IFIH1: variants seen among roughly 807,000 people sequenced by gnomAD.
IFIH1 encodes interferon-induced helicase C domain-containing protein 1.
In IFIH1, 125 loss-of-function variants were observed where a neutral mutation model predicts 107.4. That is an observed-to-expected ratio of 1.16 (90% CI 1.01 to 1.35). IFIH1 has a LOEUF of 1.35. Among genes scored for constraint, IFIH1 ranks in the 40% most tolerant of loss-of-function variants. The pLI, the probability that IFIH1 is intolerant of heterozygous loss-of-function variation, is 0.00. For synonymous variants in IFIH1, 458 were observed against 413.2 expected, an observed-to-expected ratio of 1.11 and a Z score of -1.31; for missense variants, 1,333 against 1,213.7, an observed-to-expected ratio of 1.10 and a Z score of -1.46.
intron 6 of IFIH1, 29 bp from the exon 7 acceptor site, chr2:162,281,574 C>T (rs749344015): frequency 6.7e-7 from 1 of 1,496,928 alleles, no homozygotes; most frequent in East Asian, 2.3e-5. Context: ...GAGTTCATTT[C>T]TCCATATCAG....
chr2:162,307,437 C>A (rs1683305074), intron 2 of IFIH1, among the ~76,000 whole-genome samples: 1 of 152,170 alleles, frequency 6.6e-6, no homozygotes, highest in South Asian at 2.1e-4. Flanking sequence ...TTAATGTCAG[C>A]CTATATTCAT....
At chr2:162,272,127 G>T in intron 13 of IFIH1, 99 bp downstream of exon 13, 1 of 923,448 alleles carries the variant, frequency 1.1e-6, no homozygotes, top group Non-Finnish European at 1.7e-6. Flanking sequence ...TTATAATTCA[G>T]CACAATTTTT....
intron 1 of IFIH1, among the ~76,000 whole-genome samples, chr2:162,311,482 T>A (rs1289696528): frequency 6.6e-6 from 1 of 152,156 alleles, no homozygotes; most frequent in Non-Finnish European, 1.5e-5. Flanking sequence ...TGATTATTAC[T>A]ATAATCAATT....
intron 1 of IFIH1, among the ~76,000 whole-genome samples, chr2:162,316,765 G>A (rs1278111598): frequency 2.6e-5 from 4 of 152,108 alleles, no homozygotes; most frequent in African/African-American, 7.2e-5. Context: ...TTTGACTTAC[G>A]AGCCTGAATA....
chr2:162,293,757 A>T (rs1683039756), intron 3 of IFIH1, 89 bp from the exon 4 acceptor site: 4 of 739,610 alleles, frequency 5.4e-6, no homozygotes, highest in Non-Finnish European at 6.6e-6. Context: ...CACAGTACAT[A>T]CAGTTCAATT....
Position 162,293,580 on chromosome 2 carries a change from G to T in IFIH1, c.858C>A (p.Thr286=). Residue 286 remains threonine (T), a synonymous_variant, in exon 4 of 16, where the codon ACC becomes ACA. Coordinates refer to ENST00000649979, the MANE Select transcript of IFIH1 (RefSeq NM_022168.4). The stretch of plus-strand genomic sequence containing the variant: ...AGGCAGTACCTGAATCACTTCCCAT[G>T]GTGCCTGAATCACTGCCCATGTTGC... The part of the protein sequence containing the change: ...HNSNMGSDSG[T]MGSDSDEENV... 1 of 1,608,660 alleles carries T rather than the reference G, an allele frequency of 6.2e-7. No individual in the cohort carries two copies. The highest frequency in any genetic ancestry group is 8.5e-7 in the Non-Finnish European group (1 of 1,175,930).
Position 162,311,121 on chromosome 2 carries a change from G to A in IFIH1, c.454-188C>T, listed in dbSNP as rs11904197. Among the ~76,000 whole-genome samples the A allele has an allele frequency of 4.5e-3, 684 of 151,714 alleles. 8 individuals carry two copies. The highest frequency in any genetic ancestry group is 0.016 in the African/African-American group (648 of 41,304). ...AGTCGGCAGGGAAAAAAATCTCCGG[G>A]ACAACAACAACAACAACAACAAAAA... On this transcript the variant is annotated intron_variant, in intron 1 of 15. Coordinates refer to ENST00000649979, the MANE Select transcript of IFIH1 (RefSeq NM_022168.4).
At chr2:162,306,103 G>T (rs1199842223) in intron 3 of IFIH1, among the ~76,000 whole-genome samples, 1 of 152,154 alleles carries the variant, frequency 6.6e-6, no homozygotes, top group African/African-American at 2.4e-5. Flanking sequence ...GGGAGAGGTG[G>T]ATTCTCCTAT....
At chr2:162,273,970 A>G in intron 11 of IFIH1, 26 bp from the exon 12 acceptor site, 1 of 1,495,504 alleles carries the variant, frequency 6.7e-7, no homozygotes, top group Non-Finnish European at 9.2e-7. Flanking sequence ...AATAAATTAA[A>G]TTTTGTGATG....
intron 4 of IFIH1, among the ~76,000 whole-genome samples, chr2:162,291,072 T>C (rs1460636826): frequency 1.3e-5 from 2 of 151,846 alleles, no homozygotes; most frequent in East Asian, 1.9e-4. Flanking sequence ...TAAATGAAAA[T>C]AGCAGTTAAA....
At chr2:162,268,956 A>G (rs190490368) in intron 13 of IFIH1, among the ~76,000 whole-genome samples, 1 of 146,808 alleles carries the variant, frequency 6.8e-6, no homozygotes, top group East Asian at 1.9e-4. Context: ...TCTCTTTACT[A>G]AACACTGTTA....
At chr2:162,274,784 T>C (rs1691118943) in intron 11 of IFIH1, among the ~76,000 whole-genome samples, 1 of 152,206 alleles carries the variant, frequency 6.6e-6, no homozygotes, top group Non-Finnish European at 1.5e-5. Flanking sequence ...TCAAAGCTGT[T>C]GGTCCAGTTG....
intron 2 of IFIH1, among the ~76,000 whole-genome samples, chr2:162,308,006 C>T (rs939152618): frequency 6.6e-5 from 10 of 152,102 alleles, no homozygotes; most frequent in Admixed American, 3.3e-4. Flanking sequence ...GAGAACCTGG[C>T]CAAAGGTCAC....
chr2:162,272,361 C>T lies in IFIH1; in HGVS notation c.2481G>A (p.Glu827=), dbSNP rs1203164321. ...VQARGRARAD[E]STYVLVAHSG... Reference sequence around the variant, plus strand: ...TGTGAGCAACCAGGACGTAGGTGCTCTCATCAGCTCTGGCTCGACCACGGG... The same window carrying T: ...TGTGAGCAACCAGGACGTAGGTGCTTTCATCAGCTCTGGCTCGACCACGGG... Residue 827 remains glutamate, a synonymous_variant, in exon 13 of 16, where the codon GAG becomes GAA. Transcript: ENST00000649979. The T allele has an allele frequency of 6.2e-7, 1 of 1,613,398 alleles. No individual in the cohort carries two copies. Among genetic ancestry groups the T allele is most frequent in the Admixed American group, 1.7e-5 (1 of 59,888 alleles).
chr2:162,301,360 T>C (rs549459856), intron 3 of IFIH1, among the ~76,000 whole-genome samples: 20 of 152,318 alleles, frequency 1.3e-4, no homozygotes, highest in Admixed American at 9.2e-4. Context: ...ATTGGCTTTA[T>C]AAATGTAAAG....
chr2:162,314,399 CTTT>C (rs1558877380), intron 1 of IFIH1, among the ~76,000 whole-genome samples: 3,503 of 56,150 alleles, frequency 0.062, 478 homozygotes, highest in African/African-American at 0.21. Context: ...TCCCTCCCTC[CTTT>C]CTTTCTTTCT....
chr2:162,298,865 A>G (rs533044023), intron 3 of IFIH1, among the ~76,000 whole-genome samples: 2 of 151,936 alleles, frequency 1.3e-5, no homozygotes, highest in South Asian at 4.1e-4. Flanking sequence ...ATGTGTTCCC[A>G]CAGAATGGAG....
In IFIH1 at chr2:162,277,629, G is replaced by A. The variant is rs1187180776; in HGVS notation, c.1830C>T (p.Ala610=). The A allele has an allele frequency of 6.2e-7, 1 of 1,612,902 alleles. No homozygotes were observed. Among genetic ancestry groups the A allele is most frequent in the East Asian group, 2.2e-5 (1 of 44,834 alleles). The change falls in exon 10 of 16, where the codon GCC becomes GCT. Residue 610 remains alanine (A), a synonymous_variant. Coordinates refer to ENST00000649979, the MANE Select transcript of IFIH1 (RefSeq NM_022168.4). The part of the protein sequence containing the change: ...CAEHLRKYNE[A]LQINDTIRMI... Reference sequence around the variant, plus strand: ...TTCGAATTGTGTCATTAATTTGTAGGGCCTCATTGTACTTCCTCAAATGTT... The same window carrying A: ...TTCGAATTGTGTCATTAATTTGTAGAGCCTCATTGTACTTCCTCAAATGTT...
Position 162,314,416 on chromosome 2 carries a change from T to TTTTCTTTCTTTC in IFIH1, c.453+3427_453+3438dup, listed in dbSNP as rs760939547. Among the ~76,000 whole-genome samples, 475 of 51,416 alleles carry TTTTCTTTCTTTC rather than the reference T, an allele frequency of 9.2e-3. 15 individuals are homozygous for TTTTCTTTCTTTC. The highest frequency in any genetic ancestry group is 0.012 in the Non-Finnish European group (336 of 29,028). 33.7% of individuals were successfully genotyped at this position (51,416 alleles called of 152,430 possible). Reference sequence around the variant, plus strand: ...CCTCCCTCCTTTCTTTCTTTCTTTCTTTTCTTTCTTTCTTTCTTTCTTTCT... The same window carrying TTTTCTTTCTTTC: ...CCTCCCTCCTTTCTTTCTTTCTTTCTTTTCTTTCTTTCTTTCTTTCTTTCTTTCTTTCTTTCT... On this transcript the variant is annotated intron_variant, in intron 1 of 15. Coordinates refer to ENST00000649979, the MANE Select transcript of IFIH1 (RefSeq NM_022168.4).
Sources: gnomAD v4.1 joint callset for allele counts (sites outside exome capture counted in the v4.1 genomes callset) on GRCh38, gnomAD v4.1.1 for gene constraint, MANE v1.5 for transcripts, NCBI Gene and HGNC (gene_info 2026-07-23, HGNC 2026-07-21) for gene names.